SORBS2: variants seen among roughly 807,000 people sequenced by gnomAD.
SORBS2 encodes the protein sorbin and SH3 domain containing 2.
Under a neutral mutation model 97.7 loss-of-function variants are expected in SORBS2, and 46 were observed. The ratio of observed to expected loss-of-function variants is 0.47; its 90% CI spans 0.37 to 0.60. SORBS2 has a LOEUF of 0.60. Among genes scored for constraint, SORBS2 ranks in the 20% least tolerant of loss-of-function variants. The pLI, the probability that SORBS2 is intolerant of heterozygous loss-of-function variation, is 0.00. For missense variants in SORBS2, 1,316 were observed against 1,282.3 expected (o/e 1.03, Z -0.40); for synonymous variants, 476 against 473.4 (o/e 1.01, Z -0.07).
At chr4:185,913,007 C>T (rs1325424956) in intron 1 of SORBS2, among the ~76,000 whole-genome samples, 1 of 40,552 alleles carries the variant, frequency 2.5e-5, no homozygotes, top group Admixed American at 2.7e-4. Context: ...CAAAGAATGA[C>T]TCATGGAAAA....
chr4:185,689,562 CAT>C (rs2098049211), intron 2 of SORBS2, among the ~76,000 whole-genome samples: 1 of 152,316 alleles, frequency 6.6e-6, no homozygotes, highest in South Asian at 2.1e-4. Context: ...CTGTTGTCCA[CAT>C]GTCTGCAAGG....
At chr4:185,748,929 C>A (rs2098781511) in intron 2 of SORBS2, among the ~76,000 whole-genome samples, 1 of 152,196 alleles carries the variant, frequency 6.6e-6, no homozygotes, top group Admixed American at 6.5e-5. Context: ...TTACAATATT[C>A]TTGGATGAGG....
At chr4:185,697,022 G>A (rs939829165) in intron 2 of SORBS2, among the ~76,000 whole-genome samples, 3 of 152,152 alleles carry the variant, frequency 2.0e-5, no homozygotes, top group African/African-American at 7.2e-5. Flanking sequence ...TATAACACAT[G>A]TATAGGCAAA....
intron 2 of SORBS2, among the ~76,000 whole-genome samples, chr4:185,757,613 C>T (rs933473383): frequency 3.3e-5 from 5 of 151,856 alleles, no homozygotes; most frequent in Admixed American, 6.6e-5. Context: ...AGAGTTATTC[C>T]ATGTCCTGGG....
At chr4:185,947,781 T>C (rs939074176) in intron 1 of SORBS2, among the ~76,000 whole-genome samples, 1 of 152,174 alleles carries the variant, frequency 6.6e-6, no homozygotes, top group Non-Finnish European at 1.5e-5. Context: ...CAGGTAATTT[T>C]TGTATTTTTA....
At position 185,685,991 on chromosome 4, in the gene SORBS2, T is replaced by C. The variant is rs77711193; in HGVS notation, c.-197-7169A>G. Among the ~76,000 whole-genome samples the C allele has an allele frequency of 1.6e-3, 240 of 152,350 alleles. 5 individuals are homozygous for C. In the East Asian group the frequency reaches 0.033, roughly 21 times the overall value. On this transcript the variant is annotated intron_variant, in intron 2 of 20. Coordinates refer to the SORBS2 transcript ENST00000284776. ...TTTTAAAATTGGAAGGCCAATGTTC[T>C]ATTTATGACCAGATTCAAATTCCAT...
At chr4:185,911,750 A>C (rs1347246566) in intron 1 of SORBS2, among the ~76,000 whole-genome samples, 1 of 152,064 alleles carries the variant, frequency 6.6e-6, no homozygotes, top group East Asian at 1.9e-4. Context: ...GGCAACTGTA[A>C]CTCATTTATG....
intron 1 of SORBS2, among the ~76,000 whole-genome samples, chr4:185,890,592 G>T (rs1307570690): frequency 1.3e-5 from 2 of 152,188 alleles, no homozygotes; most frequent in African/African-American, 4.8e-5. Context: ...CACCCTGACG[G>T]CTTCATGACG....
chr4:185,942,347 T>C (rs2099272440), intron 1 of SORBS2, among the ~76,000 whole-genome samples: 3 of 126,162 alleles, frequency 2.4e-5, no homozygotes, highest in Admixed American at 1.8e-4. Flanking sequence ...TTTCCCTAGG[T>C]TTATATTTTC....
intron 4 of SORBS2, chr4:185,677,283 G>A (rs984083423): frequency 4.5e-6 from 7 of 1,552,004 alleles, no homozygotes; most frequent in Non-Finnish European, 6.1e-6. Context: ...CTGGTTATGG[G>A]TTAGTTTCAA....
chr4:185,761,824 T>G (rs1024333934), intron 2 of SORBS2, among the ~76,000 whole-genome samples: 1 of 152,220 alleles, frequency 6.6e-6, no homozygotes, highest in Admixed American at 6.5e-5. Context: ...CCTTTTATCT[T>G]TGAAAACACA....
intron 7 of SORBS2, 119 bp from the exon 20 acceptor site, chr4:185,620,270 C>T (rs148730370): frequency 0.019 from 13,634 of 713,820 alleles, 174 homozygotes; most frequent in Middle Eastern, 0.026. Flanking sequence ...ACACCGTTAT[C>T]GAACACATGG....
intron 1 of SORBS2, among the ~76,000 whole-genome samples, chr4:185,818,228 C>T (rs372620508): frequency 1.8e-4 from 28 of 152,146 alleles, no homozygotes; most frequent in African/African-American, 6.0e-4. Flanking sequence ...CTCGCTCTGT[C>T]GTCCAGGCTG....
At chr4:185,888,412 T>G (rs930535486) in intron 1 of SORBS2, among the ~76,000 whole-genome samples, 3 of 152,174 alleles carry the variant, frequency 2.0e-5, no homozygotes, top group African/African-American at 7.2e-5. Flanking sequence ...AGCCAAGGCA[T>G]GCTGGTAGCC....
chr4:185,731,702 G>C (rs1291636408), intron 2 of SORBS2, among the ~76,000 whole-genome samples: 71 of 18,382 alleles, frequency 3.9e-3, no homozygotes, highest in Admixed American at 7.1e-3. Flanking sequence ...CTCCCTCCCT[G>C]CCTGTCTCTC....
At chr4:185,830,938 G>A (rs149025332) in intron 1 of SORBS2, among the ~76,000 whole-genome samples, 44 of 152,274 alleles carry the variant, frequency 2.9e-4, no homozygotes, top group African/African-American at 1.0e-3. Flanking sequence ...TACTATATGG[G>A]TACTTAGGGT....
chr4:185,677,294 G>T, intron 4 of SORBS2: 2 of 1,552,210 alleles, frequency 1.3e-6, no homozygotes, highest in Non-Finnish European at 1.7e-6. Context: ...TTAGTTTCAA[G>T]GTAGAAATCC....
At chr4:185,907,378 A>T (rs1347514041) in intron 1 of SORBS2, among the ~76,000 whole-genome samples, 3 of 152,194 alleles carry the variant, frequency 2.0e-5, no homozygotes, top group Non-Finnish European at 2.9e-5. Context: ...GTAAAATTCC[A>T]TATAAGAAAT....
Position 185,731,904 on chromosome 4 carries a change from ATATATG to A in SORBS2, c.-198+43317_-198+43322del, listed in dbSNP as rs1468780910. ...TATATATATATATATATATATATAT[ATATATG>A]TCTGTTTCTCTGTCTCACTCTAGAT... is the stretch of plus-strand genomic sequence containing the variant. On this transcript the variant is annotated intron_variant, in intron 2 of 20. Coordinates refer to the SORBS2 transcript ENST00000284776. Among the ~76,000 whole-genome samples, 702 of 79,938 alleles carry A rather than the reference ATATATG, an allele frequency of 8.8e-3. 17 individuals carry two copies. The highest frequency in any genetic ancestry group is 0.011 in the Non-Finnish European group (434 of 40,728). 52.4% of individuals were successfully genotyped at this position (79,938 alleles called of 152,430 possible). A position where few individuals can be genotyped will look rare whatever the true frequency, so the allele number is the denominator to read the frequency against.
Sources: gnomAD v4.1 joint callset for allele counts (sites outside exome capture counted in the v4.1 genomes callset) on GRCh38, gnomAD v4.1.1 for gene constraint, MANE v1.5 for transcripts, NCBI Gene and HGNC (gene_info 2026-07-23, HGNC 2026-07-21) for gene names.